PEX3: variants seen among roughly 807,000 people sequenced by gnomAD.
PEX3 encodes peroxin-3.
A neutral mutation model predicts 55.8 loss-of-function variants in PEX3; 30 were observed. That is an observed-to-expected ratio of 0.54 (90% CI 0.40 to 0.73). The LOEUF (loss-of-function observed/expected upper bound fraction) is 0.73, where lower values mean the gene tolerates loss of function less well. Ranked by LOEUF, PEX3 falls within the 30% of genes least tolerant of loss-of-function variation. The pLI, the probability that PEX3 is intolerant of heterozygous loss-of-function variation, is 0.00. For missense variants in PEX3, 351 were observed against 432.8 expected (o/e 0.81, Z 1.68); for synonymous variants, 135 against 148.4 (o/e 0.91, Z 0.66).
At position 143,453,301 on chromosome 6, in the gene PEX3, C is replaced by G. The variant is rs1779799837; in HGVS notation, c.73+2186C>G. On this transcript the variant is annotated intron_variant, in intron 1 of 11. Transcript: ENST00000367591. This position sits in a 1 kb window ranked among gnomAD's most constrained non-coding sequence, Gnocchi z 4.6. ...AGACACATTTTGACAGGCTTGAAAGCTGGGTAGTATATCAACAGGCATGCG... is the reference window on the plus strand; with the variant it reads ...AGACACATTTTGACAGGCTTGAAAGGTGGGTAGTATATCAACAGGCATGCG... Among the ~76,000 whole-genome samples the G allele has an allele frequency of 6.6e-6, 1 of 152,144 alleles. No individual in the cohort carries two copies. Among genetic ancestry groups the G allele is most frequent in the African/African-American group, 2.4e-5 (1 of 41,408 alleles).
At chr6:143,477,865 T>C (rs770867590) in intron 9 of PEX3, among the ~76,000 whole-genome samples, 1 of 152,090 alleles carries the variant, frequency 6.6e-6, no homozygotes, top group Non-Finnish European at 1.5e-5. Context: ...CCTTACCATA[T>C]TACCTTTAAA....
Position 143,488,251 on chromosome 6 carries a change from C to T in PEX3, c.1039-892C>T, listed in dbSNP as rs1041843148. On this transcript the variant is annotated intron_variant, in intron 11 of 11. Transcript: ENST00000367591. This position sits in a 1 kb window ranked among gnomAD's most constrained non-coding sequence, Gnocchi z 4.9. ...TTACTTCCCATTTCTTTGACACTCTCAGAGGCTGTCAACCTTTTCTATCAT... is the reference window on the plus strand; with the variant it reads ...TTACTTCCCATTTCTTTGACACTCTTAGAGGCTGTCAACCTTTTCTATCAT... Among the ~76,000 whole-genome samples, 1 of 152,086 alleles carries T rather than the reference C, an allele frequency of 6.6e-6. No individual in the cohort carries two copies. Among genetic ancestry groups the T allele is most frequent in the African/African-American group, 2.4e-5 (1 of 41,442 alleles).
Position 143,471,456 on chromosome 6 carries a change from T to G in PEX3, c.523+7T>G. ...CAGCACCTACTTGGAGATGGTAAGA[T>G]TCTTATTTGTGACTTTTATACTAAT... On this transcript the variant is annotated splice_region_variant and intron_variant, in intron 6 of 11. Coordinates refer to ENST00000367591, the MANE Select transcript of PEX3 (RefSeq NM_003630.3). The surrounding 1 kb of genome is among the most constrained non-coding windows in gnomAD (Gnocchi z 5.4). 1 of 1,591,320 alleles carries G rather than the reference T, an allele frequency of 6.3e-7. No individual in the cohort carries two copies. The highest frequency in any genetic ancestry group is 8.6e-7 in the Non-Finnish European group (1 of 1,159,878).
At chr6:143,460,630 C>T (rs977792457) in intron 2 of PEX3, among the ~76,000 whole-genome samples, 3 of 151,906 alleles carry the variant, frequency 2.0e-5, no homozygotes, top group African/African-American at 7.3e-5. Context: ...TTTGGGAGGC[C>T]GAGGCTGGTG....
At chr6:143,472,453 T>A in intron 8 of PEX3, 125 bp downstream of exon 8, 1 of 717,878 alleles carries the variant, frequency 1.4e-6, no homozygotes, top group African/African-American at 1.8e-5. Context: ...TTTCAGTAAT[T>A]GAAGTAAAAC....
Position 143,451,641 on chromosome 6 carries a change from A to G in PEX3, c.73+526A>G, listed in dbSNP as rs1296801422. 6.6e-6 allele frequency among the ~76,000 whole-genome samples: 1 copy of G among 152,238 alleles called. No homozygotes were observed. The highest frequency in any genetic ancestry group is 2.4e-5 in the African/African-American group (1 of 41,460). On this transcript the variant is annotated intron_variant, in intron 1 of 11. Coordinates refer to ENST00000367591, the MANE Select transcript of PEX3 (RefSeq NM_003630.3). The surrounding 1 kb of genome is among the most constrained non-coding windows in gnomAD (Gnocchi z 4.1). The stretch of plus-strand genomic sequence containing the variant: ...ATATGGATTAGATAAAGAAAAACAA[A>G]TCAATATTTTAGCTCTGTTTCTGCC...
chr6:143,474,206 T>C (rs1780117179), intron 8 of PEX3, among the ~76,000 whole-genome samples: 1 of 151,920 alleles, frequency 6.6e-6, no homozygotes, highest in Non-Finnish European at 1.5e-5. Context: ...TCCCAGCACT[T>C]TGGGAGGCCG....
At chr6:143,468,236 A>G in intron 4 of PEX3, 71 bp downstream of exon 4, 2 of 1,013,924 alleles carry the variant, frequency 2.0e-6, no homozygotes, top group Admixed American at 1.8e-5. Flanking sequence ...GCATTCTATT[A>G]GGATGACTCT....
chr6:143,489,116 A>C lies in PEX3; in HGVS notation c.1039-27A>C. Reference sequence around the variant, plus strand: ...AAATTAGCTATATGTTTTGCAAACTATAATGTTATATTATCATCTTTGCTA... The same window carrying C: ...AAATTAGCTATATGTTTTGCAAACTCTAATGTTATATTATCATCTTTGCTA... On this transcript the variant is annotated intron_variant, in intron 11 of 11. Coordinates refer to ENST00000367591, the MANE Select transcript of PEX3 (RefSeq NM_003630.3). This position sits in a 1 kb window ranked among gnomAD's most constrained non-coding sequence, Gnocchi z 5.5. 6.8e-7 allele frequency: 1 copy of C among 1,464,808 alleles called. No homozygotes were observed. The highest frequency in any genetic ancestry group is 1.1e-5 in the South Asian group (1 of 88,156). 90.7% of individuals were successfully genotyped at this position (1,464,808 alleles called of 1,614,324 possible). A position where few individuals can be genotyped will look rare whatever the true frequency, so the allele number is the denominator to read the frequency against.
At chr6:143,469,644 G>T (rs1289922926) in intron 4 of PEX3, among the ~76,000 whole-genome samples, 1 of 152,144 alleles carries the variant, frequency 6.6e-6, no homozygotes, top group Non-Finnish European at 1.5e-5. Flanking sequence ...CACTCTCATG[G>T]TAGTTTCTTT....
Position 143,472,166 on chromosome 6 carries a change from T to C in PEX3, c.585T>C (p.Ser195=). The C allele has an allele frequency of 6.2e-7, 1 of 1,602,204 alleles. No individual in the cohort carries two copies. Among genetic ancestry groups the C allele is most frequent in the South Asian group, 1.1e-5 (1 of 90,822 alleles). ...CCCTTTTCTCTGTTTCTAGTGTTTC[T>C]CTTAAACATTCTTTGTCCCTTTTGG... ...QAVQKVLGSV[S]LKHSLSLLDL... Residue 195 remains serine (S), a synonymous_variant, in exon 8 of 12, where the codon TCT becomes TCC. Transcript: ENST00000367591.
In PEX3 at chr6:143,471,434, C is replaced by T; in HGVS notation, c.508C>T (p.His170Tyr). ...VQQQYLSSIQ[H>Y]LLGDGLTELI... ...ACAGCAGTATTTATCAAGTATTCAG[C>T]ACCTACTTGGAGATGGTAAGATTCT... The change falls in exon 6 of 12, where the codon CAC becomes TAC. Residue 170 changes from histidine (H) to tyrosine (Y), a missense_variant. Transcript: ENST00000367591. The surrounding 1 kb of genome is among the most constrained non-coding windows in gnomAD (Gnocchi z 5.4). 6.2e-7 allele frequency: 1 copy of T among 1,602,224 alleles called. No individual in the cohort carries two copies. The highest frequency in any genetic ancestry group is 8.5e-7 in the Non-Finnish European group (1 of 1,169,678).
chr6:143,467,230 A>G (rs74752365), intron 3 of PEX3, among the ~76,000 whole-genome samples: 5,700 of 152,142 alleles, frequency 0.037, 355 homozygotes, highest in African/African-American at 0.13. Context: ...TATGTGGACA[A>G]AAAGAAACAC....
At position 143,488,339 on chromosome 6, in the gene PEX3, T is replaced by C. The variant is rs1438249204; in HGVS notation, c.1039-804T>C. ...TCTCAGAACAATATTTATAAGTGCA[T>C]ACAATAAAATACATAATATTATAAA... is the stretch of plus-strand genomic sequence containing the variant. On this transcript the variant is annotated intron_variant, in intron 11 of 11. Transcript: ENST00000367591. The surrounding 1 kb of genome is among the most constrained non-coding windows in gnomAD (Gnocchi z 4.9). 6.6e-6 allele frequency among the ~76,000 whole-genome samples: 1 copy of C among 152,108 alleles called. No individual in the cohort carries two copies. Among genetic ancestry groups the C allele is most frequent in the African/African-American group, 2.4e-5 (1 of 41,456 alleles).
In PEX3 at chr6:143,485,531, T is replaced by C. The variant is rs1396596346; in HGVS notation, c.1038+283T>C. ...GTCAGTTGAATTTATATAGCATGAA[T>C]GTTTGCATTAAGCTGTGCTAGTAAG... On this transcript the variant is annotated intron_variant, in intron 11 of 11. Transcript: ENST00000367591. The surrounding 1 kb of genome is among the most constrained non-coding windows in gnomAD (Gnocchi z 5.6). Among the ~76,000 whole-genome samples, 4 of 152,202 alleles carry C rather than the reference T, an allele frequency of 2.6e-5. No homozygotes were observed. The highest frequency in any genetic ancestry group is 9.6e-5 in the African/African-American group (4 of 41,552).
Position 143,463,037 on chromosome 6 carries a change from CTTAAAG to C in PEX3, c.287+43_287+48del, listed in dbSNP as rs755387450. Reference sequence around the variant, plus strand: ...CAGCATTTTCTGTTTAAGCACTACACTTAAAGTTTATAGAATGAACTGATAGACTTT... The same window carrying C: ...CAGCATTTTCTGTTTAAGCACTACACTTTATAGAATGAACTGATAGACTTT... On this transcript the variant is annotated intron_variant, in intron 3 of 11. Coordinates refer to ENST00000367591, the MANE Select transcript of PEX3 (RefSeq NM_003630.3). This position sits in a 1 kb window ranked among gnomAD's most constrained non-coding sequence, Gnocchi z 5.7. The C allele has an allele frequency of 3.9e-5, 55 of 1,406,892 alleles. No homozygotes were observed. Among genetic ancestry groups the C allele is most frequent in the Non-Finnish European group, 5.3e-5 (53 of 991,296 alleles). 87.2% of individuals were successfully genotyped at this position (1,406,892 alleles called of 1,614,324 possible).
rs956855172 is a variant in PEX3 at position 143,488,325 on chromosome 6, T to C, written c.1039-818T>C. The stretch of plus-strand genomic sequence containing the variant: ...GCCTATGGACCCCTTCTCAGAACAA[T>C]ATTTATAAGTGCATACAATAAAATA... On this transcript the variant is annotated intron_variant, in intron 11 of 11. Transcript: ENST00000367591. This position sits in a 1 kb window ranked among gnomAD's most constrained non-coding sequence, Gnocchi z 4.9. 1.3e-5 allele frequency among the ~76,000 whole-genome samples: 2 copies of C among 152,116 alleles called. No homozygotes were observed. The highest frequency in any genetic ancestry group is 2.9e-5 in the Non-Finnish European group (2 of 67,982).
rs76077367 is a variant in PEX3 at position 143,460,930 on chromosome 6, T to C, written c.205+1714T>C. Among the ~76,000 whole-genome samples, 1,181 of 150,674 alleles carry C rather than the reference T, an allele frequency of 7.8e-3. 7 individuals are homozygous for C. Among genetic ancestry groups the C allele is most frequent in the South Asian group, 0.026 (123 of 4,762 alleles). ...TCTTAAAATACATCGCAGTTTGACA[T>C]GGACCCTTGTGTCAGTTTGGGTCCC... On this transcript the variant is annotated intron_variant, in intron 2 of 11. Coordinates refer to ENST00000367591, the MANE Select transcript of PEX3 (RefSeq NM_003630.3).
intron 1 of PEX3, among the ~76,000 whole-genome samples, chr6:143,456,640 C>T (rs1779849479): frequency 6.6e-6 from 1 of 152,106 alleles, no homozygotes; most frequent in Admixed American, 6.5e-5. Context: ...TTTGTCTTCC[C>T]TCTGCAATTG....
Sources: allele counts gnomAD v4.1 joint callset (sites outside exome capture counted in the v4.1 genomes callset), GRCh38; gene constraint gnomAD v4.1.1; non-coding constraint Gnocchi (gnomAD v3.1); transcripts MANE v1.5; gene names NCBI Gene and HGNC (gene_info 2026-07-23, HGNC 2026-07-21).